Variants in CDH13 observed in about 807,000 individuals in gnomAD.
The protein encoded by CDH13 is cadherin-13.
CDH13 carries 24 observed loss-of-function variants against 63.8 expected under a neutral mutation model. The observed-to-expected ratio is 0.38, with a 90% CI of 0.27 to 0.53. The LOEUF (loss-of-function observed/expected upper bound fraction) is 0.53. CDH13 is among the 20% of genes least tolerant of loss of function. The probability of loss-of-function intolerance (pLI) is 0.85; values close to 1 mark genes in which losing one functional copy is unlikely to be tolerated. For missense variants in CDH13, 1,049 were observed against 903.1 expected (o/e 1.16, Z -2.07); for synonymous variants, 503 against 355.3 (o/e 1.42, Z -4.67).
chr16:82,865,434 C>G (rs1330604827), intron 2 of CDH13, among the ~76,000 whole-genome samples: 1 of 152,258 alleles, frequency 6.6e-6, no homozygotes, highest in African/African-American at 2.4e-5. Context: ...GTTCCCACAC[C>G]TCAATTCTTG....
intron 5 of CDH13, among the ~76,000 whole-genome samples, chr16:83,286,453 A>G (rs2089315460): frequency 6.6e-6 from 1 of 152,098 alleles, no homozygotes; most frequent in African/African-American, 2.4e-5. Flanking sequence ...GGGTGATAGA[A>G]GTTTCCGTTG....
Position 83,566,860 on chromosome 16 carries a change from G to A in CDH13, c.961-35594G>A, listed in dbSNP as rs558651617. The stretch of plus-strand genomic sequence containing the variant: ...TCAGCTCCTAAGAATCACTCCTCCA[G>A]AAAAGCTCAGCAACCAAGAGGAAAA... On this transcript the variant is annotated intron_variant, in intron 7 of 13. Coordinates refer to ENST00000567109, the MANE Select transcript of CDH13 (RefSeq NM_001257.5). Among the ~76,000 whole-genome samples, 462 of 152,220 alleles carry A rather than the reference G, an allele frequency of 3.0e-3. 3 individuals are homozygous for A. Among genetic ancestry groups the A allele is most frequent in the African/African-American group, 0.011 (442 of 41,536 alleles).
intron 5 of CDH13, among the ~76,000 whole-genome samples, chr16:83,301,025 G>GTTTTTTTTTTTTTTTTTTTT (rs3052591): frequency 3.8e-5 from 3 of 78,780 alleles, no homozygotes; most frequent in African/African-American, 1.1e-4. Flanking sequence ...ACTTTCTGGG[G>GTTTTTTTTTTTTTTTTTTTT]TTTTTTTTTT....
intron 3 of CDH13, among the ~76,000 whole-genome samples, chr16:83,043,471 T>C (rs931277278): frequency 1.3e-4 from 19 of 150,618 alleles, no homozygotes; most frequent in African/African-American, 4.2e-4. Context: ...TAATAATTTA[T>C]ATAATAACTG....
At chr16:83,179,965 T>C (rs781016150) in intron 4 of CDH13, among the ~76,000 whole-genome samples, 5 of 152,296 alleles carry the variant, frequency 3.3e-5, no homozygotes, top group East Asian at 3.9e-4. Context: ...ATGACTGCTT[T>C]GAGCGTCTAA....
At chr16:82,952,408 G>T (rs1313420902) in intron 2 of CDH13, among the ~76,000 whole-genome samples, 3 of 152,192 alleles carry the variant, frequency 2.0e-5, no homozygotes, top group Admixed American at 6.5e-5. Flanking sequence ...CTGGTTAATA[G>T]TAAGCTTTCA....
rs541179681 is a variant in CDH13, at chr16:83,057,538, C to T, written c.366+25320C>T. Among the ~76,000 whole-genome samples the T allele has an allele frequency of 3.3e-5, 5 of 151,618 alleles. No individual in the cohort carries two copies. The East Asian group carries it at 9.7e-4, about 29-fold the overall frequency. On this transcript the variant is annotated intron_variant, in intron 3 of 13. Coordinates refer to ENST00000567109, the MANE Select transcript of CDH13 (RefSeq NM_001257.5). ...TTTTTCAAAAGTAGTAATTGGATGACTCCCGCTTTTATTGAGTTAGCAAGT... is the reference window on the plus strand; with the variant it reads ...TTTTTCAAAAGTAGTAATTGGATGATTCCCGCTTTTATTGAGTTAGCAAGT...
At chr16:83,322,706 G>C (rs2090257548) in intron 5 of CDH13, among the ~76,000 whole-genome samples, 1 of 152,100 alleles carries the variant, frequency 6.6e-6, no homozygotes, top group African/African-American at 2.4e-5. Context: ...GCAACATCTA[G>C]ACGTTCTTTT....
chr16:83,698,244 A>C (rs1391390154), intron 10 of CDH13, among the ~76,000 whole-genome samples: 1 of 152,270 alleles, frequency 6.6e-6, no homozygotes, highest in Non-Finnish European at 1.5e-5. Flanking sequence ...AAAGGATAAC[A>C]AAGGATTTCC....
At chr16:83,326,379 A>G (rs150830267) in intron 5 of CDH13, among the ~76,000 whole-genome samples, 122 of 151,586 alleles carry the variant, frequency 8.0e-4, no homozygotes, top group African/African-American at 3.0e-3. Flanking sequence ...GATTGGAGAA[A>G]CATCATTGTC....
intron 6 of CDH13, among the ~76,000 whole-genome samples, chr16:83,408,886 G>A (rs1187097190): frequency 6.6e-6 from 1 of 152,170 alleles, no homozygotes; most frequent in Non-Finnish European, 1.5e-5. Context: ...GGAGACAGAG[G>A]GATGCAGAGA....
chr16:83,299,216 A>G (rs1026238270), intron 5 of CDH13, among the ~76,000 whole-genome samples: 8 of 151,996 alleles, frequency 5.3e-5, no homozygotes, highest in African/African-American at 1.9e-4. Context: ...TGGAGAAGAT[A>G]CCACAGTGTG....
intron 4 of CDH13, among the ~76,000 whole-genome samples, chr16:83,216,922 G>A (rs2039552737): frequency 6.6e-6 from 1 of 152,044 alleles, no homozygotes; most frequent in Non-Finnish European, 1.5e-5. Context: ...CACTGGATTA[G>A]TGGATATATG....
chr16:82,760,844 G>A (rs2034808282), intron 1 of CDH13, among the ~76,000 whole-genome samples: 1 of 151,710 alleles, frequency 6.6e-6, no homozygotes, highest in African/African-American at 2.4e-5. Flanking sequence ...GCAAGAGAGA[G>A]GAGGAAGTGC....
At chr16:83,014,912 A>G (rs1217147181) in intron 2 of CDH13, among the ~76,000 whole-genome samples, 1 of 146,390 alleles carries the variant, frequency 6.8e-6, no homozygotes, top group African/African-American at 2.5e-5. Flanking sequence ...ATTTACATTT[A>G]CTACTACACA....
At chr16:83,678,708 C>T (rs1024774064) in intron 10 of CDH13, among the ~76,000 whole-genome samples, 2 of 152,170 alleles carry the variant, frequency 1.3e-5, no homozygotes, top group African/African-American at 4.8e-5. Flanking sequence ...GTGCTGTGTT[C>T]CCAAATGACC....
intron 3 of CDH13, among the ~76,000 whole-genome samples, chr16:83,078,432 C>G (rs1047439263): frequency 3.9e-5 from 6 of 152,216 alleles, no homozygotes; most frequent in Non-Finnish European, 7.3e-5. Flanking sequence ...CTAGATCCCT[C>G]GCATGTGAGG....
chr16:83,414,766 T>G (rs1359299432), intron 6 of CDH13, among the ~76,000 whole-genome samples: 1 of 152,214 alleles, frequency 6.6e-6, no homozygotes, highest in African/African-American at 2.4e-5. Flanking sequence ...CTTGTGAGGT[T>G]GAATCATATT....
chr16:82,794,693 C>T (rs1294939109), intron 1 of CDH13, among the ~76,000 whole-genome samples: 2 of 152,066 alleles, frequency 1.3e-5, no homozygotes, highest in East Asian at 1.9e-4. Flanking sequence ...AGCCAAACAC[C>T]CTATAAATAT....
Sources: gnomAD v4.1 joint callset for allele counts (sites outside exome capture counted in the v4.1 genomes callset) on GRCh38, gnomAD v4.1.1 for gene constraint, MANE v1.5 for transcripts, NCBI Gene and HGNC (gene_info 2026-07-23, HGNC 2026-07-21) for gene names.